Variants in TBC1D22A observed in about 807,000 individuals in gnomAD.
TBC1D22A encodes putative GTPase activator.
In TBC1D22A, 38 loss-of-function variants were observed where a neutral mutation model predicts 60.2. That is an observed-to-expected ratio of 0.63 (90% CI 0.49 to 0.83). TBC1D22A has a LOEUF of 0.83. Ranked by LOEUF, TBC1D22A falls within the 40% of genes least tolerant of loss-of-function variation. The probability of loss-of-function intolerance (pLI) is 0.00; values close to 1 mark genes in which losing one functional copy is unlikely to be tolerated. For synonymous variants in TBC1D22A, 302 were observed against 281.7 expected, an observed-to-expected ratio of 1.07 and a Z score of -0.72; for missense variants, 628 against 701.0, an observed-to-expected ratio of 0.90 and a Z score of 1.18.
At chr22:47,013,292 TC>T (rs1294712896) in intron 10 of TBC1D22A, among the ~76,000 whole-genome samples, 1 of 152,176 alleles carries the variant, frequency 6.6e-6, no homozygotes, top group African/African-American at 2.4e-5. Context: ...ACGTGAGGCC[TC>T]CCTGGCTCAT....
chr22:47,084,807 A>G (rs1374070564), intron 11 of TBC1D22A, among the ~76,000 whole-genome samples: 1 of 152,212 alleles, frequency 6.6e-6, no homozygotes, highest in Non-Finnish European at 1.5e-5. Context: ...GATAGAGAAA[A>G]GTGAGGAAAT....
intron 8 of TBC1D22A, among the ~76,000 whole-genome samples, chr22:46,950,897 T>C (rs2072863179): frequency 6.6e-6 from 1 of 152,224 alleles, no homozygotes; most frequent in Admixed American, 6.5e-5. Context: ...ATTCTGTTCC[T>C]TTTCTCTAGA....
intron 7 of TBC1D22A, among the ~76,000 whole-genome samples, chr22:46,900,856 A>G (rs2068954091): frequency 6.6e-6 from 1 of 152,156 alleles, no homozygotes. Flanking sequence ...CTAAACCTTC[A>G]TGTACTAATC....
chr22:47,012,864 GCTCAT>G, intron 10 of TBC1D22A, among the ~76,000 whole-genome samples: 1 of 152,192 alleles, frequency 6.6e-6, no homozygotes, highest in Admixed American at 6.5e-5. Context: ...TGTTCCGAGA[GCTCAT>G]CCTTCCAGGC....
rs529699516 is a variant in TBC1D22A, at chr22:46,903,874, G to A, written c.901-8200G>A. On this transcript the variant is annotated intron_variant, in intron 7 of 12. Transcript: ENST00000337137. ...GGGTGGTAGGAACTCCCAGCAAACC[G>A]GGAAAAGCATCAGTTGCTCAGAGCT... Among the ~76,000 whole-genome samples the A allele has an allele frequency of 2.3e-3, 352 of 152,254 alleles. 4 individuals are homozygous for A. The highest frequency in any genetic ancestry group is 4.2e-3 in the Non-Finnish European group (283 of 68,022).
chr22:46,881,658 G>C (rs998148381), intron 5 of TBC1D22A, among the ~76,000 whole-genome samples: 1 of 152,186 alleles, frequency 6.6e-6, no homozygotes, highest in Non-Finnish European at 1.5e-5. Context: ...CTCTTGGGAG[G>C]GGACTAGAGC....
intron 8 of TBC1D22A, among the ~76,000 whole-genome samples, chr22:46,972,513 A>G (rs932911131): frequency 1.3e-5 from 2 of 152,142 alleles, no homozygotes; most frequent in Non-Finnish European, 2.9e-5. Context: ...TCTGGAGAAC[A>G]TTGTGCTCAG....
At chr22:46,885,783 G>C (rs1569174253) in intron 5 of TBC1D22A, among the ~76,000 whole-genome samples, 1 of 152,168 alleles carries the variant, frequency 6.6e-6, no homozygotes, top group Non-Finnish European at 1.5e-5. Flanking sequence ...ACATCCCAGT[G>C]AAAGAGGCCT....
chr22:47,003,420 C>T lies in TBC1D22A; in HGVS notation c.1201+5711C>T, dbSNP rs573135219. Among the ~76,000 whole-genome samples, 22 of 151,022 alleles carry T rather than the reference C, an allele frequency of 1.5e-4. 1 individual carries two copies. In the South Asian group the frequency reaches 2.9e-3, roughly 20 times the overall value. ...ACACACACATGCCTGTACACACATA[C>T]CCTACGCACACATGCCTGTACACAC... is the stretch of plus-strand genomic sequence containing the variant. On this transcript the variant is annotated intron_variant, in intron 10 of 12. Transcript: ENST00000337137.
chr22:47,158,015 C>T (rs776651679), intron 12 of TBC1D22A, among the ~76,000 whole-genome samples: 3 of 152,170 alleles, frequency 2.0e-5, no homozygotes, highest in Non-Finnish European at 4.4e-5. Flanking sequence ...AGCCGGCAGG[C>T]GTGCCTGGGC....
At chr22:47,167,428 G>GC (rs1320030326) in intron 12 of TBC1D22A, among the ~76,000 whole-genome samples, 3 of 152,186 alleles carry the variant, frequency 2.0e-5, no homozygotes, top group African/African-American at 7.2e-5. Flanking sequence ...GCACCCAGCA[G>GC]CTTCTTTGCT....
chr22:47,111,251 C>T lies in TBC1D22A; in HGVS notation c.1330-257C>T, dbSNP rs114962014. Among the ~76,000 whole-genome samples the T allele has an allele frequency of 7.6e-3, 1,159 of 152,346 alleles. 18 individuals are homozygous for T. The highest frequency in any genetic ancestry group is 0.026 in the African/African-American group (1,100 of 41,572). On this transcript the variant is annotated intron_variant, in intron 11 of 12. Coordinates refer to ENST00000337137, the MANE Select transcript of TBC1D22A (RefSeq NM_014346.5). The stretch of plus-strand genomic sequence containing the variant: ...TGCGCAAGAGAGAAGAATGAACAAC[C>T]GCTTCTGAGGCTGTCTGAAGCTTGG...
At chr22:46,985,095 G>A (rs751491616) in intron 9 of TBC1D22A, among the ~76,000 whole-genome samples, 6 of 152,200 alleles carry the variant, frequency 3.9e-5, no homozygotes, top group Non-Finnish European at 7.3e-5. Context: ...ACTAAGCCCC[G>A]GGGATGTTGT....
intron 4 of TBC1D22A, among the ~76,000 whole-genome samples, chr22:46,823,115 A>G (rs891346918): frequency 9.2e-5 from 14 of 152,124 alleles, no homozygotes; most frequent in African/African-American, 3.4e-4. Context: ...AATCCAAAGC[A>G]TCTTACTGTC....
intron 10 of TBC1D22A, among the ~76,000 whole-genome samples, chr22:47,005,652 A>C (rs1021782580): frequency 9.3e-5 from 14 of 149,872 alleles, no homozygotes; most frequent in South Asian, 2.1e-4. Context: ...ACACACACAC[A>C]CCCACACACA....
At chr22:47,081,748 T>C (rs536630403) in intron 11 of TBC1D22A, among the ~76,000 whole-genome samples, 1 of 152,338 alleles carries the variant, frequency 6.6e-6, no homozygotes, top group African/African-American at 2.4e-5. Context: ...AATTTAAAAC[T>C]ACTCAAGATC....
At chr22:46,895,378 CTTTA>C (rs1602356195) in intron 7 of TBC1D22A, among the ~76,000 whole-genome samples, 1 of 151,394 alleles carries the variant, frequency 6.6e-6, no homozygotes, top group Admixed American at 6.6e-5. Flanking sequence ...TTTTTTTTTC[CTTTA>C]TTTATTTAGA....
intron 8 of TBC1D22A, among the ~76,000 whole-genome samples, chr22:46,959,368 C>T (rs1027289859): frequency 3.3e-5 from 5 of 152,168 alleles, no homozygotes; most frequent in Non-Finnish European, 7.3e-5. Flanking sequence ...GACACCGACC[C>T]GCAGGTTGGT....
chr22:47,154,699 G>A (rs1348118479), intron 12 of TBC1D22A, among the ~76,000 whole-genome samples: 1 of 152,248 alleles, frequency 6.6e-6, no homozygotes, highest in Non-Finnish European at 1.5e-5. Context: ...CTGTTAGGCA[G>A]GGAGTGATGG....
Sources: gnomAD v4.1 joint callset for allele counts (sites outside exome capture counted in the v4.1 genomes callset) on GRCh38, gnomAD v4.1.1 for gene constraint, MANE v1.5 for transcripts, NCBI Gene and HGNC (gene_info 2026-07-23, HGNC 2026-07-21) for gene names.